The following TNIP3 variants were observed in gnomAD, a reference collection of about 807,000 sequenced individuals.
The protein encoded by TNIP3 is TNFAIP3-interacting protein 3.
A neutral mutation model predicts 54.1 loss-of-function variants in TNIP3; 34 were observed. That is an observed-to-expected ratio of 0.63 (90% confidence interval 0.48 to 0.84). TNIP3 has a LOEUF of 0.84. Ranked by LOEUF, TNIP3 falls within the 40% of genes least tolerant of loss-of-function variation. The probability of loss-of-function intolerance (pLI) is 0.00; values close to 1 mark genes in which losing one functional copy is unlikely to be tolerated. For missense variants in TNIP3, 366 were observed against 387.6 expected (o/e 0.94, Z 0.47); for synonymous variants, 134 against 136.8 (o/e 0.98, Z 0.14).
chr4:121,180,060 A>G (rs1459978774), intron 3 of TNIP3, among the ~76,000 whole-genome samples: 1 of 151,968 alleles, frequency 6.6e-6, no homozygotes, highest in African/African-American at 2.4e-5. Context: ...AGGAGAGACC[A>G]GAGAAAAAAA....
At chr4:121,138,367 C>A (rs1030680266) in intron 10 of TNIP3, among the ~76,000 whole-genome samples, 1 of 152,184 alleles carries the variant, frequency 6.6e-6, no homozygotes, top group Non-Finnish European at 1.5e-5. Context: ...TTTCTAACCC[C>A]AGATGGAATT....
chr4:121,188,309 TAA>T (rs35305244), intron 2 of TNIP3, among the ~76,000 whole-genome samples: 2 of 146,090 alleles, frequency 1.4e-5, no homozygotes, highest in African/African-American at 5.0e-5. Context: ...CAATGAAACT[TAA>T]AAAAAAAAAC....
At chr4:121,173,540 G>A (rs577226319) in intron 3 of TNIP3, among the ~76,000 whole-genome samples, 43 of 152,244 alleles carry the variant, frequency 2.8e-4, no homozygotes, top group African/African-American at 1.0e-3. Flanking sequence ...TCTCTGGAAG[G>A]AAATTAGCTG....
At chr4:121,156,952 C>A in intron 4 of TNIP3, 142 bp downstream of exon 4, 2 of 1,020,912 alleles carry the variant, frequency 2.0e-6, no homozygotes, top group Non-Finnish European at 1.4e-6. Flanking sequence ...TGGGGACTTG[C>A]GTAACCCATG....
At chr4:121,225,926 A>C (rs1727237289) in intron 1 of TNIP3, among the ~76,000 whole-genome samples, 2 of 152,096 alleles carry the variant, frequency 1.3e-5, no homozygotes, top group African/African-American at 4.8e-5. Flanking sequence ...TAACAGGAGG[A>C]GTCATATTTA....
rs1459744806 is a variant in TNIP3 at position 121,222,808 on chromosome 4, T to TTG, written c.3+4576_3+4577insCA. On this transcript the variant is annotated intron_variant, in intron 1 of 12. Transcript: ENST00000509841. ...AGCTGAGGGTGTTTTTTGTGCGTTT[T>TTG]TTTTTTTTTTTTTTTGAGACGGAGT... 4.3e-5 allele frequency among the ~76,000 whole-genome samples: 6 copies of TTG among 139,640 alleles called. No homozygotes were observed. The South Asian group carries it at 9.6e-4, about 22-fold the overall frequency. 91.6% of individuals were successfully genotyped at this position (139,640 alleles called of 152,430 possible).
At chr4:121,136,213 G>A (rs1728773691) in intron 10 of TNIP3, among the ~76,000 whole-genome samples, 1 of 152,186 alleles carries the variant, frequency 6.6e-6, no homozygotes, top group African/African-American at 2.4e-5. Context: ...AATGTCAAAT[G>A]AGTAGCATGC....
intron 2 of TNIP3, among the ~76,000 whole-genome samples, chr4:121,188,309 TA>T (rs35305244): frequency 0.032 from 4,717 of 145,998 alleles, 168 homozygotes; most frequent in African/African-American, 0.09. Context: ...CAATGAAACT[TA>T]AAAAAAAAAA....
At chr4:121,165,172 A>G (rs1322897596), upstream of TNIP3, among the ~76,000 whole-genome samples, 1 of 151,728 alleles carries the variant, frequency 6.6e-6, no homozygotes. Flanking sequence ...TCACATATAT[A>G]TAGGATAAAG....
intron 2 of TNIP3, among the ~76,000 whole-genome samples, chr4:121,209,374 G>A (rs1372532644): frequency 1.3e-5 from 2 of 152,196 alleles, no homozygotes; most frequent in African/African-American, 4.8e-5. Flanking sequence ...TCTGAAGTGT[G>A]GGCAGTCTTG....
intron 1 of TNIP3, among the ~76,000 whole-genome samples, chr4:121,222,061 A>T (rs937243201): frequency 6.6e-6 from 1 of 152,182 alleles, no homozygotes; most frequent in African/African-American, 2.4e-5. Flanking sequence ...ATGAGAACAG[A>T]TTGTACATTA....
At chr4:121,170,484 G>A (rs562580179) in intron 3 of TNIP3, among the ~76,000 whole-genome samples, 203 of 152,174 alleles carry the variant, frequency 1.3e-3, no homozygotes, top group Admixed American at 5.7e-3. Flanking sequence ...GCCTGTTTCC[G>A]TGTATTTTCT....
chr4:121,147,224 C>A (rs1729486523), intron 6 of TNIP3, 50 bp from the exon 7 acceptor site: 2 of 1,568,148 alleles, frequency 1.3e-6, no homozygotes, highest in Admixed American at 1.9e-5. Context: ...TCACTTAAGC[C>A]ATTTAAATGA....
intron 2 of TNIP3, among the ~76,000 whole-genome samples, chr4:121,204,007 T>C (rs910528421): frequency 2.0e-5 from 3 of 150,518 alleles, no homozygotes; most frequent in Non-Finnish European, 4.4e-5. Context: ...TTGTATTATA[T>C]ATAACTCTGC....
At chr4:121,158,433 CA>C (rs1379016475) in intron 3 of TNIP3, among the ~76,000 whole-genome samples, 3 of 152,190 alleles carry the variant, frequency 2.0e-5, no homozygotes, top group Non-Finnish European at 4.4e-5. Context: ...TAAATGTGCA[CA>C]AGAACTCTTG....
intron 1 of TNIP3, among the ~76,000 whole-genome samples, chr4:121,224,950 G>A (rs1482577089): frequency 1.3e-5 from 2 of 152,078 alleles, no homozygotes; most frequent in Non-Finnish European, 1.5e-5. Context: ...CACTGTGTCC[G>A]AGAGTCATCT....
rs1245734747 is a variant in TNIP3 at position 121,197,055 on chromosome 4, G to A, written c.69-14259C>T. On this transcript the variant is annotated intron_variant, in intron 2 of 12. Transcript: ENST00000507879. ...TCTTAATGAACTTAAAAAATACAATGTGTTAAATACATCAAAAATGGGAAA... is the reference window on the plus strand; with the variant it reads ...TCTTAATGAACTTAAAAAATACAATATGTTAAATACATCAAAAATGGGAAA... Among the ~76,000 whole-genome samples, 6 of 152,024 alleles carry A rather than the reference G, an allele frequency of 3.9e-5. 1 individual carries two copies. The highest frequency in any genetic ancestry group is 1.5e-5 in the Non-Finnish European group (1 of 68,000).
intron 2 of TNIP3, among the ~76,000 whole-genome samples, chr4:121,211,258 G>A (rs866648468): frequency 6.6e-6 from 1 of 152,138 alleles, no homozygotes; most frequent in Non-Finnish European, 1.5e-5. Flanking sequence ...GTGACAGCTA[G>A]AGTCTTATGT....
At chr4:121,138,259 A>G (rs1728907033) in intron 10 of TNIP3, among the ~76,000 whole-genome samples, 1 of 152,162 alleles carries the variant, frequency 6.6e-6, no homozygotes, top group Admixed American at 6.5e-5. Flanking sequence ...ACATCTGTCT[A>G]GCAAACTCAA....
Sources: allele counts gnomAD v4.1 joint callset (sites outside exome capture counted in the v4.1 genomes callset), GRCh38; gene constraint gnomAD v4.1.1; transcripts MANE v1.5; gene names NCBI Gene and HGNC (gene_info 2026-07-23, HGNC 2026-07-21).